MCF2L: variants seen among roughly 807,000 people sequenced by gnomAD.
MCF2L encodes the protein MCF.2 cell line derived transforming sequence like, also known as guanine nucleotide exchange factor DBS.
MCF2L carries 97 observed loss-of-function variants against 153.4 expected under a neutral mutation model. The observed-to-expected ratio is 0.63, with a 90% CI of 0.54 to 0.75. The LOEUF (loss-of-function observed/expected upper bound fraction) is 0.75, where lower values mean the gene tolerates loss of function less well. MCF2L is among the 30% of genes least tolerant of loss of function. The pLI is 0.00. For missense variants in MCF2L, 1,347 were observed against 1,495.2 expected (o/e 0.90, Z 1.64); for synonymous variants, 659 against 632.2 (o/e 1.04, Z -0.64).
At chr13:113,001,115 G>C (rs566966603) in intron 1 of MCF2L, among the ~76,000 whole-genome samples, 1 of 152,158 alleles carries the variant, frequency 6.6e-6, no homozygotes, top group South Asian at 2.1e-4. Context: ...CCAGGGCAGC[G>C]GTTAGGAGCC....
At position 113,078,704 on chromosome 13, in the gene MCF2L, G is replaced by T; in HGVS notation, c.1773G>T (p.Ala591=). 6.2e-7 allele frequency: 1 copy of T among 1,609,822 alleles called. No homozygotes were observed. Among genetic ancestry groups the T allele is most frequent in the Non-Finnish European group, 8.5e-7 (1 of 1,179,552 alleles). The change falls in exon 15 of 30, where the codon GCG becomes GCT. Residue 591 remains alanine, a synonymous_variant. Coordinates refer to ENST00000535094, the MANE Select transcript of MCF2L (RefSeq NM_001112732.3). ...AGAGCCGGCAGGGCCGCGGCTCAGC[G>T]GGGGAGGAGGAGGAAAGCCTGGCCA... The part of the protein sequence containing the change: ...MSESRQGRGS[A]GEEEESLAIL...
chr13:113,066,466 G>C (rs4907582), intron 8 of MCF2L, among the ~76,000 whole-genome samples: 67,157 of 152,078 alleles, frequency 0.44, 15,103 homozygotes, highest in African/African-American at 0.53. Context: ...AAGCAGAGGC[G>C]ATGGGAGTGC....
rs2081688669 is a variant in MCF2L, at chr13:112,951,140, G to A, written c.169+48769G>A. 6.6e-6 allele frequency among the ~76,000 whole-genome samples: 1 copy of A among 152,206 alleles called. No individual in the cohort carries two copies. The highest frequency in any genetic ancestry group is 1.9e-4 in the East Asian group (1 of 5,196). ...TCAGTCAATAGTAGCCAGTGGAGAAGTGCAAGACCTGGGTACCACTGCACA... is the reference window on the plus strand; with the variant it reads ...TCAGTCAATAGTAGCCAGTGGAGAAATGCAAGACCTGGGTACCACTGCACA... On this transcript the variant is annotated intron_variant, in intron 2 of 29. Coordinates refer to the MCF2L transcript ENST00000375608. The surrounding 1 kb of genome is among the most constrained non-coding windows in gnomAD (Gnocchi z 4.8).
At position 112,901,009 on chromosome 13, in the gene MCF2L, G is replaced by A. The variant is rs182781666; in HGVS notation, c.-4-1190G>A. Among the ~76,000 whole-genome samples, 116 of 152,226 alleles carry A rather than the reference G, an allele frequency of 7.6e-4. 2 individuals are homozygous for A. Among genetic ancestry groups the A allele is most frequent in the Admixed American group, 6.5e-3 (100 of 15,306 alleles). On this transcript the variant is annotated intron_variant, in intron 1 of 29. Coordinates refer to the MCF2L transcript ENST00000375608. ...GATTTCAGGTTGGAGGGAGGCAGGC[G>A]GCCCCTTCCCAGGGGAATACCAGGG... is the stretch of plus-strand genomic sequence containing the variant.
intron 1 of MCF2L, among the ~76,000 whole-genome samples, chr13:112,900,395 G>A (rs1403718277): frequency 2.0e-5 from 3 of 152,228 alleles, no homozygotes; most frequent in African/African-American, 4.8e-5. Flanking sequence ...AGGCAGCCTC[G>A]TGGCAGGCTC....
intron 1 of MCF2L, among the ~76,000 whole-genome samples, chr13:113,008,380 G>A (rs1239838597): frequency 2.6e-5 from 4 of 152,210 alleles, no homozygotes; most frequent in Non-Finnish European, 4.4e-5. Context: ...GACTCCAGCA[G>A]TCACCCTCAT....
At position 113,070,331 on chromosome 13, in the gene MCF2L, A is replaced by C. The variant is rs954127202; in HGVS notation, c.996+158A>C. ...CTTGCCAGGTGGAGCCTGTGAGATT[A>C]AGTCAGGCTGAGCCTTGAAATGCAC... On this transcript the variant is annotated intron_variant, in intron 9 of 29. Transcript: ENST00000535094. This position sits in a 1 kb window ranked among gnomAD's most constrained non-coding sequence, Gnocchi z 5.6. The C allele has an allele frequency of 2.0e-6, 1 of 498,842 alleles. No individual in the cohort carries two copies. The highest frequency in any genetic ancestry group is 4.3e-5 in the Admixed American group (1 of 23,522). The allele number at this position is 498,842 out of a possible 1,614,324, so 30.9% of individuals were successfully genotyped here.
At position 113,045,489 on chromosome 13, in the gene MCF2L, G is replaced by A. The variant is rs1031251778; in HGVS notation, c.369+128G>A. The stretch of plus-strand genomic sequence containing the variant: ...GAGTGGGACAGAGCCCAGTCCCGGC[G>A]GGTGGAGGCCGGCGCCAAGGCCCCC... On this transcript the variant is annotated intron_variant, in intron 4 of 29. Transcript: ENST00000535094. This position sits in a 1 kb window ranked among gnomAD's most constrained non-coding sequence, Gnocchi z 4.2. 14 of 847,496 alleles carry A rather than the reference G, an allele frequency of 1.7e-5. No individual in the cohort carries two copies. Among genetic ancestry groups the A allele is most frequent in the South Asian group, 3.1e-5 (2 of 64,294 alleles). The allele number at this position is 847,496 out of a possible 1,614,324, so 52.5% of individuals were successfully genotyped here.
intron 5 of MCF2L, among the ~76,000 whole-genome samples, chr13:113,062,456 G>A (rs1219971583): frequency 6.6e-6 from 1 of 152,110 alleles, no homozygotes; most frequent in Non-Finnish European, 1.5e-5. Context: ...CTATTTGGCA[G>A]GCACTGCACA....
intron 1 of MCF2L, among the ~76,000 whole-genome samples, chr13:112,996,400 G>A: frequency 6.6e-6 from 1 of 152,236 alleles, no homozygotes; most frequent in East Asian, 1.9e-4. Context: ...CATCTAGCCA[G>A]CTGTAGTGAC....
At chr13:112,994,256 G>A (rs372514349) in intron 1 of MCF2L, among the ~76,000 whole-genome samples, 2 of 150,086 alleles carry the variant, frequency 1.3e-5, no homozygotes, top group African/African-American at 2.5e-5. Context: ...CAGGTGTCTC[G>A]GGCAGGGGCT....
At position 113,096,291 on chromosome 13, in the gene MCF2L, C is replaced by A. The variant is rs543022442; in HGVS notation, c.3076-80C>A. On this transcript the variant is annotated intron_variant, in intron 27 of 29. Coordinates refer to ENST00000535094, the MANE Select transcript of MCF2L (RefSeq NM_001112732.3). ...CCCACCGGGGCAGGGCGCTAAGGCC[C>A]GGCACTCCGCCTGGCTGCTGTGGGG... 67 of 1,148,582 alleles carry A rather than the reference C, an allele frequency of 5.8e-5. No homozygotes were observed. In the African/African-American group the frequency reaches 9.0e-4, roughly 15 times the overall value. 71.1% of individuals were successfully genotyped at this position (1,148,582 alleles called of 1,614,324 possible).
intron 2 of MCF2L, among the ~76,000 whole-genome samples, chr13:112,931,565 C>T (rs1233021807): frequency 2.0e-5 from 3 of 152,190 alleles, no homozygotes; most frequent in Non-Finnish European, 4.4e-5. Flanking sequence ...CATCCCATAG[C>T]ACACGCCTGC....
chr13:112,991,763 G>T (rs1039392960), intron 1 of MCF2L, among the ~76,000 whole-genome samples: 1 of 152,160 alleles, frequency 6.6e-6, no homozygotes, highest in Non-Finnish European at 1.5e-5. Context: ...TCAGAGCCAG[G>T]AGCCCTTCCC....
At chr13:113,067,529 G>C (rs76237726) in intron 8 of MCF2L, among the ~76,000 whole-genome samples, 4 of 14,802 alleles carry the variant, frequency 2.7e-4, no homozygotes, top group Admixed American at 5.6e-4. Context: ...CAGCTGGAGT[G>C]CCAGCTACTC....
chr13:113,022,279 C>G (rs1020556596), intron 2 of MCF2L, among the ~76,000 whole-genome samples: 1 of 151,930 alleles, frequency 6.6e-6, no homozygotes, highest in African/African-American at 2.4e-5. Context: ...AGCTCCCAGG[C>G]TGCCTCCACG....
At position 113,045,253 on chromosome 13, in the gene MCF2L, G is replaced by T; in HGVS notation, c.279-18G>T. On this transcript the variant is annotated intron_variant, in intron 3 of 29. Coordinates refer to ENST00000535094, the MANE Select transcript of MCF2L (RefSeq NM_001112732.3). The surrounding 1 kb of genome is among the most constrained non-coding windows in gnomAD (Gnocchi z 4.2). ...CCCACCTGCACACATTAACGGCGGC[G>T]TCTCTTCCTCACTGCAGCCTGCAGG... is the stretch of plus-strand genomic sequence containing the variant. 1.9e-6 allele frequency: 3 copies of T among 1,605,296 alleles called. No individual in the cohort carries two copies. The highest frequency in any genetic ancestry group is 2.6e-6 in the Non-Finnish European group (3 of 1,172,362).
intron 27 of MCF2L, chr13:113,095,673 G>C: frequency 1.0e-6 from 1 of 991,744 alleles, no homozygotes; most frequent in Non-Finnish European, 1.2e-6. Flanking sequence ...CGTGAGGGCA[G>C]GTGGCCCAGT....
At chr13:112,924,375 A>G (rs367877706) in intron 2 of MCF2L, among the ~76,000 whole-genome samples, 6 of 152,266 alleles carry the variant, frequency 3.9e-5, no homozygotes, top group African/African-American at 1.4e-4. Flanking sequence ...CAAAATAATC[A>G]TTGGATAAAA....
Sources: allele counts gnomAD v4.1 joint callset (sites outside exome capture counted in the v4.1 genomes callset), GRCh38; gene constraint gnomAD v4.1.1; non-coding constraint Gnocchi (gnomAD v3.1); transcripts MANE v1.5; gene names NCBI Gene and HGNC (gene_info 2026-07-23, HGNC 2026-07-21).